STX17: variants seen among roughly 807,000 people sequenced by gnomAD.
STX17 encodes syntaxin-17.
In STX17, 29 loss-of-function variants were observed where a neutral mutation model predicts 35.9. That is an observed-to-expected ratio of 0.81 (90% CI 0.60 to 1.10). STX17 has a LOEUF of 1.10. STX17 is among the 50% of genes least tolerant of loss of function. STX17 has a pLI of 0.00. For synonymous variants in STX17, 92 were observed against 118.3 expected, an observed-to-expected ratio of 0.78 and a Z score of 1.44; for missense variants, 312 against 352.3, an observed-to-expected ratio of 0.89 and a Z score of 0.92.
intron 6 of STX17, among the ~76,000 whole-genome samples, chr9:99,965,491 G>C (rs1383697992): frequency 6.6e-6 from 1 of 152,072 alleles, no homozygotes; most frequent in Non-Finnish European, 1.5e-5. Context: ...GACGGCTGAT[G>C]GTAGAGTTTT....
intron 3 of STX17, among the ~76,000 whole-genome samples, chr9:99,942,756 A>G (rs1829392476): frequency 6.6e-6 from 1 of 151,932 alleles, no homozygotes; most frequent in Non-Finnish European, 1.5e-5. Flanking sequence ...TCATAAGGAT[A>G]CCCAAATTAC....
chr9:99,907,559 AC>A (rs922859125), intron 1 of STX17, among the ~76,000 whole-genome samples: 1 of 152,058 alleles, frequency 6.6e-6, no homozygotes, highest in African/African-American at 2.4e-5. Flanking sequence ...CAGTCCTGGC[AC>A]CCCTCTCTCC....
At chr9:99,938,273 G>T (rs905885319) in intron 3 of STX17, among the ~76,000 whole-genome samples, 2 of 152,054 alleles carry the variant, frequency 1.3e-5, no homozygotes, top group African/African-American at 4.8e-5. Context: ...CCTCTCCAGG[G>T]CTCTGTTAAA....
rs1328100911 is a variant in STX17 at position 99,973,730 on chromosome 9, C to CA, written c.*5058dup. Among the ~76,000 whole-genome samples, 2 of 152,262 alleles carry CA rather than the reference C, an allele frequency of 1.3e-5. No homozygotes were observed. Among genetic ancestry groups the CA allele is most frequent in the African/African-American group, 4.8e-5 (2 of 41,556 alleles). On this transcript the variant is annotated 3_prime_UTR_variant, in exon 8 of 8. Coordinates refer to ENST00000259400, the MANE Select transcript of STX17 (RefSeq NM_017919.3). ...GTGACTCAGTTCCTTATATCACTGCCACAAGAATTAACAACCATGTCCATC... is the reference window on the plus strand; with the variant it reads ...GTGACTCAGTTCCTTATATCACTGCCAACAAGAATTAACAACCATGTCCATC...
chr9:99,931,553 C>T (rs1354017381), intron 3 of STX17, among the ~76,000 whole-genome samples: 1 of 151,284 alleles, frequency 6.6e-6, no homozygotes, highest in African/African-American at 2.4e-5. Context: ...TATGTCTGGC[C>T]TCTGTCTATC....
chr9:99,942,552 T>C (rs1829388449), intron 3 of STX17, among the ~76,000 whole-genome samples: 1 of 152,140 alleles, frequency 6.6e-6, no homozygotes, highest in South Asian at 2.1e-4. Flanking sequence ...AGTGGCGCAA[T>C]CATAGCTCAC....
At chr9:99,949,055 G>C (rs1016733119) in intron 3 of STX17, among the ~76,000 whole-genome samples, 1 of 152,106 alleles carries the variant, frequency 6.6e-6, no homozygotes, top group African/African-American at 2.4e-5. Flanking sequence ...TCTGGGACTT[G>C]AGGCCTGGGC....
intron 2 of STX17, among the ~76,000 whole-genome samples, chr9:99,923,213 A>G (rs1022589184): frequency 6.6e-6 from 1 of 152,086 alleles, no homozygotes; most frequent in Admixed American, 6.6e-5. Flanking sequence ...TTGATGTACA[A>G]ATGATTTCAC....
chr9:99,935,666 A>G (rs541912406), intron 3 of STX17, among the ~76,000 whole-genome samples: 1 of 152,362 alleles, frequency 6.6e-6, no homozygotes, highest in South Asian at 2.1e-4. Flanking sequence ...TTAGATGATT[A>G]TAAGTGCCAT....
intron 3 of STX17, among the ~76,000 whole-genome samples, chr9:99,947,536 A>G (rs1829508479): frequency 6.6e-6 from 1 of 152,190 alleles, no homozygotes; most frequent in Admixed American, 6.5e-5. Context: ...ATTTGAAGCT[A>G]GGGATGATGT....
chr9:99,954,940 C>T (rs562867770), intron 4 of STX17, among the ~76,000 whole-genome samples: 3 of 152,072 alleles, frequency 2.0e-5, no homozygotes, highest in South Asian at 2.1e-4. Flanking sequence ...GTCCAGATTC[C>T]GAGAGTTCCT....
chr9:99,914,338 T>C (rs761156262), intron 1 of STX17, among the ~76,000 whole-genome samples: 6 of 152,218 alleles, frequency 3.9e-5, no homozygotes, highest in African/African-American at 7.2e-5. Context: ...ATATAAGCTC[T>C]GATAAGCTCC....
rs1246815801 is a variant in STX17, at chr9:99,971,853, C to T, written c.*3180C>T. Among the ~76,000 whole-genome samples, 2 of 151,784 alleles carry T rather than the reference C, an allele frequency of 1.3e-5. No homozygotes were observed. Among genetic ancestry groups the T allele is most frequent in the East Asian group, 3.9e-4 (2 of 5,154 alleles). ...CTGGGCAACATAGTGAGACTCTTGT[C>T]TGTATGAAAAAAATTAAGAATTAGC... On this transcript the variant is annotated 3_prime_UTR_variant, in exon 8 of 8. Transcript: ENST00000259400.
In STX17 at chr9:99,940,653, G is replaced by T. The variant is rs559780374; in HGVS notation, c.190-10407G>T. Among the ~76,000 whole-genome samples, 4 of 151,738 alleles carry T rather than the reference G, an allele frequency of 2.6e-5. No homozygotes were observed. In the South Asian group the frequency reaches 8.3e-4, roughly 32 times the overall value. ...ACCACCATGCCCAGCTAATTTTCTT[G>T]TATTTTTAGTAGAGACGGGGTTTCT... On this transcript the variant is annotated intron_variant, in intron 3 of 7. Coordinates refer to ENST00000259400, the MANE Select transcript of STX17 (RefSeq NM_017919.3).
intron 6 of STX17, among the ~76,000 whole-genome samples, chr9:99,965,010 G>T (rs1185915173): frequency 6.6e-6 from 1 of 152,234 alleles, no homozygotes; most frequent in South Asian, 2.1e-4. Context: ...CAGGATAGGG[G>T]CTGTCTGCCC....
chr9:99,956,123 A>G (rs190370151), intron 4 of STX17, among the ~76,000 whole-genome samples: 1 of 152,180 alleles, frequency 6.6e-6, no homozygotes, highest in Non-Finnish European at 1.5e-5. Context: ...ATGGAAGAGC[A>G]CAGACCTCTT....
At chr9:99,928,276 A>T (rs967304144) in intron 2 of STX17, among the ~76,000 whole-genome samples, 4 of 152,100 alleles carry the variant, frequency 2.6e-5, no homozygotes, top group African/African-American at 9.7e-5. Context: ...GGTAAAAATT[A>T]AAACATATAT....
At chr9:99,915,589 T>TTTTG (rs561008029) in intron 2 of STX17, among the ~76,000 whole-genome samples, 149 of 152,260 alleles carry the variant, frequency 9.8e-4, no homozygotes, top group African/African-American at 3.3e-3. Context: ...GTCTATGCTT[T>TTTTG]TTTGTTTGTT....
intron 4 of STX17, among the ~76,000 whole-genome samples, chr9:99,958,179 C>A (rs1418606640): frequency 1.3e-5 from 2 of 152,166 alleles, no homozygotes; most frequent in Non-Finnish European, 2.9e-5. Flanking sequence ...AGCGTATGCA[C>A]ATACTGTTCT....
Sources: gnomAD v4.1 joint callset for allele counts (sites outside exome capture counted in the v4.1 genomes callset) on GRCh38, gnomAD v4.1.1 for gene constraint, MANE v1.5 for transcripts, NCBI Gene and HGNC (gene_info 2026-07-23, HGNC 2026-07-21) for gene names.